ADRA1A: variants seen among roughly 807,000 people sequenced by gnomAD.
ADRA1A encodes the protein adrenoceptor alpha 1A.
A neutral mutation model predicts 29.6 loss-of-function variants in ADRA1A; 31 were observed. The observed-to-expected ratio is 1.05, with a 90% confidence interval of 0.79 to 1.41. The LOEUF (loss-of-function observed/expected upper bound fraction) is 1.41, where lower values mean the gene tolerates loss of function less well. ADRA1A is among the 40% of genes most tolerant of loss of function. The pLI is 0.00. For synonymous variants in ADRA1A, 311 were observed against 254.3 expected (o/e 1.22, Z -2.12); for missense variants, 619 against 601.1 (o/e 1.03, Z -0.31).
chr8:26,798,749 A>G (rs2130467033), intron 2 of ADRA1A, among the ~76,000 whole-genome samples: 1 of 152,290 alleles, frequency 6.6e-6, no homozygotes, highest in Middle Eastern at 3.4e-3. Context: ...ATTATTAAAT[A>G]CCCAAATAAG....
chr8:26,784,911 T>A (rs1405436040), intron 2 of ADRA1A, among the ~76,000 whole-genome samples: 3 of 152,122 alleles, frequency 2.0e-5, no homozygotes, highest in Non-Finnish European at 4.4e-5. Context: ...CAATGATACA[T>A]GAAAAGTATC....
chr8:26,810,311 G>A (rs1809286238), intron 2 of ADRA1A, among the ~76,000 whole-genome samples: 1 of 152,180 alleles, frequency 6.6e-6, no homozygotes, highest in African/African-American at 2.4e-5. Flanking sequence ...ATGTCATCAT[G>A]ACTATGGGTT....
rs767335342 is a variant in ADRA1A, at chr8:26,770,124, C to T, written c.*25G>A. On this transcript the variant is annotated 3_prime_UTR_variant, in exon 3 of 3. Transcript: ENST00000380573. ...GTGGGGTGGGTACCTAAGATTATTC[C>T]CCTTTCCTCTGCATCTTTCCTGTCC... 1.1e-5 allele frequency: 17 copies of T among 1,523,154 alleles called. No individual in the cohort carries two copies. Among genetic ancestry groups the T allele is most frequent in the Non-Finnish European group, 1.5e-5 (17 of 1,136,548 alleles). 94.4% of individuals were successfully genotyped at this position (1,523,154 alleles called of 1,614,324 possible).
chr8:26,830,921 T>G (rs1465675292), intron 2 of ADRA1A, among the ~76,000 whole-genome samples: 1 of 152,190 alleles, frequency 6.6e-6, no homozygotes, highest in Non-Finnish European at 1.5e-5. Context: ...TCACCTTTTT[T>G]CTTTTTATCT....
intron 2 of ADRA1A, among the ~76,000 whole-genome samples, chr8:26,758,704 C>T (rs1485006679): frequency 1.3e-5 from 2 of 152,164 alleles, no homozygotes; most frequent in African/African-American, 2.4e-5. Flanking sequence ...CTTCCAGTGC[C>T]CTTCCTAGCA....
At chr8:26,771,387 T>G (rs939137251) in intron 2 of ADRA1A, among the ~76,000 whole-genome samples, 1 of 152,134 alleles carries the variant, frequency 6.6e-6, no homozygotes, top group African/African-American at 2.4e-5. Context: ...CTAGCCAGAC[T>G]CACTACACTT....
intron 2 of ADRA1A, among the ~76,000 whole-genome samples, chr8:26,784,678 G>A (rs1807248065): frequency 6.6e-6 from 1 of 152,202 alleles, no homozygotes; most frequent in African/African-American, 2.4e-5. Context: ...ATTGGTGTTA[G>A]CAAGTGACTG....
intron 2 of ADRA1A, among the ~76,000 whole-genome samples, chr8:26,813,263 A>G (rs1002912602): frequency 1.3e-5 from 2 of 152,176 alleles, no homozygotes; most frequent in Non-Finnish European, 2.9e-5. Flanking sequence ...AAGTCACCAA[A>G]GGAGCAGTTA....
intron 2 of ADRA1A, among the ~76,000 whole-genome samples, chr8:26,802,858 G>A (rs1226071566): frequency 1.3e-5 from 2 of 152,150 alleles, no homozygotes; most frequent in Non-Finnish European, 2.9e-5. Context: ...TAATACAAAT[G>A]TGGTACATAT....
Position 26,864,013 on chromosome 8 carries a change from G to A in ADRA1A, c.883+74C>T. ...AATCCTTCCTCTTCCATCCCGGACT[G>A]GGAGTCTGGGGTAACAGAAGCCGAG... On this transcript the variant is annotated intron_variant, in intron 2 of 2. Transcript: ENST00000380573. The surrounding 1 kb of genome is among the most constrained non-coding windows in gnomAD (Gnocchi z 8.1). 1 of 1,443,822 alleles carries A rather than the reference G, an allele frequency of 6.9e-7. No homozygotes were observed. The highest frequency in any genetic ancestry group is 9.4e-7 in the Non-Finnish European group (1 of 1,063,728). The allele number at this position is 1,443,822 out of a possible 1,614,324, so 89.4% of individuals were successfully genotyped here. A position where few individuals can be genotyped will look rare whatever the true frequency, so the allele number is the denominator to read the frequency against.
rs550041761 is a variant in ADRA1A at position 26,847,143 on chromosome 8, G to A, written c.883+16944C>T. ...TAGATGACGAGTTAGTGGGTACAGC[G>A]CACCAGCATGGCACATGTATACATA... is the stretch of plus-strand genomic sequence containing the variant. On this transcript the variant is annotated intron_variant, in intron 2 of 2. Transcript: ENST00000380573. 4.6e-5 allele frequency among the ~76,000 whole-genome samples: 7 copies of A among 151,880 alleles called. No individual in the cohort carries two copies. In the South Asian group the frequency reaches 8.3e-4, roughly 18 times the overall value.
At chr8:26,764,530 AAC>A (rs61759718), downstream of ADRA1A, among the ~76,000 whole-genome samples, 9 of 152,212 alleles carry the variant, frequency 5.9e-5, no homozygotes, top group Non-Finnish European at 1.3e-4. Context: ...AGTGTCGAGA[AAC>A]ACAGTGGACC....
At position 26,867,062 on chromosome 8, in the gene ADRA1A, C is replaced by T. The variant is rs1813954722; in HGVS notation, c.-813G>A. ...GACCGTGTCTCCGAGGCACCAAATC[C>T]TTGTCCTTTTGCACCCGCTGACTCA... On this transcript the variant is annotated 5_prime_UTR_variant, in exon 1 of 3. Coordinates refer to ENST00000380573, the MANE Select transcript of ADRA1A (RefSeq NM_000680.4). The T allele has an allele frequency of 2.0e-6, 2 of 985,452 alleles. No individual in the cohort carries two copies. The highest frequency in any genetic ancestry group is 2.4e-6 in the Non-Finnish European group (2 of 829,972). 61.0% of individuals were successfully genotyped at this position (985,452 alleles called of 1,614,324 possible).
At chr8:26,797,931 G>A (rs779023647) in intron 2 of ADRA1A, among the ~76,000 whole-genome samples, 13 of 152,080 alleles carry the variant, frequency 8.5e-5, no homozygotes, top group South Asian at 2.1e-4. Context: ...GGTGGTCAAG[G>A]TGGAGGTCTG....
chr8:26,864,454 G>A lies in ADRA1A; in HGVS notation c.516C>T (p.Asp172=). ...CCTCGTTGATCTGGCAGATGGTCTC[G>A]TCCTCGGGGGCCGGCTGCCTCCAGC... The part of the protein sequence containing the change: ...LFGWRQPAPE[D]ETICQINEEP... The change falls in exon 2 of 3, where the codon GAC becomes GAT. Residue 172 remains aspartate (D), a synonymous_variant. Coordinates refer to ENST00000380573, the MANE Select transcript of ADRA1A (RefSeq NM_000680.4). The surrounding 1 kb of genome is among the most constrained non-coding windows in gnomAD (Gnocchi z 8.1). 6.2e-7 allele frequency: 1 copy of A among 1,613,386 alleles called. No homozygotes were observed. The highest frequency in any genetic ancestry group is 1.3e-5 in the African/African-American group (1 of 75,044).
At chr8:26,786,377 G>C (rs769517816) in intron 2 of ADRA1A, among the ~76,000 whole-genome samples, 11 of 151,954 alleles carry the variant, frequency 7.2e-5, no homozygotes, top group Non-Finnish European at 1.2e-4. Context: ...TGGGATTACA[G>C]GTGCACGCTA....
intron 2 of ADRA1A, among the ~76,000 whole-genome samples, chr8:26,833,257 T>C (rs963926831): frequency 2.6e-5 from 4 of 152,210 alleles, no homozygotes; most frequent in Non-Finnish European, 5.9e-5. Flanking sequence ...GGCCGGATGA[T>C]TTCCCTTGAC....
intron 2 of ADRA1A, among the ~76,000 whole-genome samples, chr8:26,802,699 T>A (rs1163345794): frequency 6.6e-6 from 1 of 152,158 alleles, no homozygotes; most frequent in Non-Finnish European, 1.5e-5. Flanking sequence ...AGCTACCATA[T>A]GATCCAGCGA....
intron 2 of ADRA1A, chr8:26,853,765 C>T (rs896215874): frequency 6.6e-6 from 1 of 152,084 alleles, no homozygotes; most frequent in African/African-American, 2.4e-5. Flanking sequence ...AGGAAACAGA[C>T]TTACATTGTG....
Sources: allele counts gnomAD v4.1 joint callset (sites outside exome capture counted in the v4.1 genomes callset), GRCh38; gene constraint gnomAD v4.1.1; non-coding constraint Gnocchi (gnomAD v3.1); transcripts MANE v1.5; gene names NCBI Gene and HGNC (gene_info 2026-07-23, HGNC 2026-07-21).